Variants in SLC6A11 observed in about 807,000 individuals in gnomAD.
SLC6A11 encodes solute carrier family 6 member 11.
SLC6A11 carries 25 observed loss-of-function variants against 74.8 expected under a neutral mutation model. The ratio of observed to expected loss-of-function variants is 0.33; its 90% CI spans 0.24 to 0.47. SLC6A11 has a LOEUF of 0.47. Among genes scored for constraint, SLC6A11 ranks in the 20% least tolerant of loss-of-function variants. The pLI, the probability that SLC6A11 is intolerant of heterozygous loss-of-function variation, is 1.00. For synonymous variants in SLC6A11, 330 were observed against 330.2 expected (o/e 1.00, Z 0.01); for missense variants, 574 against 837.0 (o/e 0.69, Z 3.88).
At chr3:10,929,100 TGAAG>T in intron 9 of SLC6A11, 98 bp from the exon 10 acceptor site, 1 of 1,247,926 alleles carries the variant, frequency 8.0e-7, no homozygotes, top group South Asian at 1.4e-5. Context: ...GGTGTGGGAA[TGAAG>T]GAAGCCCAGG....
At chr3:10,898,441 A>T (rs1000452731) in intron 6 of SLC6A11, among the ~76,000 whole-genome samples, 1 of 152,218 alleles carries the variant, frequency 6.6e-6, no homozygotes, top group African/African-American at 2.4e-5. Context: ...CACCTCTTGA[A>T]TGCTTTGCTG....
chr3:10,852,230 AG>A (rs1694585275), intron 5 of SLC6A11, among the ~76,000 whole-genome samples: 1 of 152,198 alleles, frequency 6.6e-6, no homozygotes, highest in Non-Finnish European at 1.5e-5. Flanking sequence ...AGAGGAAACT[AG>A]AACGTTCATG....
rs185913791 is a variant in SLC6A11 at position 10,837,724 on chromosome 3, G to A, written c.624-6490G>A. 8.3e-3 allele frequency among the ~76,000 whole-genome samples: 1,263 copies of A among 152,290 alleles called. 16 individuals are homozygous for A. Among genetic ancestry groups the A allele is most frequent in the African/African-American group, 0.028 (1,160 of 41,564 alleles). ...CAGCCTGCTTATTCATCACTGTAGC[G>A]TGGACTGAATGAGTGTGTGATGTAG... On this transcript the variant is annotated intron_variant, in intron 4 of 13. Transcript: ENST00000254488.
intron 6 of SLC6A11, among the ~76,000 whole-genome samples, chr3:10,905,072 C>T (rs1389169043): frequency 1.3e-5 from 2 of 152,188 alleles, no homozygotes; most frequent in Non-Finnish European, 2.9e-5. Flanking sequence ...CTTTCTTTCC[C>T]CTTTCGTCAA....
chr3:10,917,507 T>C (rs1695474015), intron 7 of SLC6A11, among the ~76,000 whole-genome samples: 1 of 152,182 alleles, frequency 6.6e-6, no homozygotes, highest in Non-Finnish European at 1.5e-5. Context: ...GTCCAGGCAC[T>C]ACAGTGGTTG....
chr3:10,924,664 A>G (rs1294424617), intron 8 of SLC6A11, among the ~76,000 whole-genome samples: 1 of 151,500 alleles, frequency 6.6e-6, no homozygotes, highest in African/African-American at 2.4e-5. Flanking sequence ...CAACCTAATG[A>G]AAAAAAAAGG....
At chr3:10,883,910 T>C (rs537015750) in intron 6 of SLC6A11, among the ~76,000 whole-genome samples, 13 of 152,344 alleles carry the variant, frequency 8.5e-5, no homozygotes, top group African/African-American at 3.1e-4. Context: ...TCAATGTATT[T>C]GTTCCTGAGT....
At chr3:10,828,040 A>G (rs1694238279) in intron 4 of SLC6A11, among the ~76,000 whole-genome samples, 1 of 152,188 alleles carries the variant, frequency 6.6e-6, no homozygotes. Context: ...CCCATTATGC[A>G]TCTGGCATCC....
At chr3:10,853,555 A>G (rs978594409) in intron 5 of SLC6A11, among the ~76,000 whole-genome samples, 1 of 152,176 alleles carries the variant, frequency 6.6e-6, no homozygotes, top group South Asian at 2.1e-4. Flanking sequence ...GCTCGAGTGG[A>G]GGAATTGGTG....
intron 8 of SLC6A11, among the ~76,000 whole-genome samples, chr3:10,920,070 G>A (rs1043859166): frequency 2.0e-5 from 3 of 152,192 alleles, no homozygotes; most frequent in African/African-American, 7.2e-5. Context: ...CATTGCTTCT[G>A]TGAGAATCCA....
chr3:10,921,604 A>G (rs116145508), intron 8 of SLC6A11, among the ~76,000 whole-genome samples: 1 of 152,294 alleles, frequency 6.6e-6, no homozygotes, highest in Non-Finnish European at 1.5e-5. Context: ...CCAAAAGAAA[A>G]CAAATGCAAA....
At chr3:10,921,974 G>A (rs936294086) in intron 8 of SLC6A11, among the ~76,000 whole-genome samples, 3 of 152,158 alleles carry the variant, frequency 2.0e-5, no homozygotes, top group Non-Finnish European at 4.4e-5. Context: ...TTGTTATATA[G>A]GGAGCTAAAA....
chr3:10,902,801 G>A (rs1695256878), intron 6 of SLC6A11, among the ~76,000 whole-genome samples: 1 of 152,274 alleles, frequency 6.6e-6, no homozygotes, highest in South Asian at 2.1e-4. Context: ...GATTCCTGGG[G>A]CAATTAGGAG....
At chr3:10,885,092 C>T (rs1020999263) in intron 6 of SLC6A11, among the ~76,000 whole-genome samples, 2 of 152,228 alleles carry the variant, frequency 1.3e-5, no homozygotes, top group Non-Finnish European at 2.9e-5. Context: ...TCTCACATGG[C>T]AGACCAAGGG....
intron 4 of SLC6A11, 116 bp from the exon 5 acceptor site, chr3:10,844,098 C>G (rs1232093875): frequency 2.1e-5 from 27 of 1,280,990 alleles, no homozygotes; most frequent in Non-Finnish European, 2.9e-5. Flanking sequence ...GACATTTGGC[C>G]CACGGTGGAC....
intron 5 of SLC6A11, 100 bp downstream of exon 5, chr3:10,844,446 A>G: frequency 1.4e-6 from 2 of 1,466,138 alleles, no homozygotes; most frequent in Non-Finnish European, 9.5e-7. Context: ...AGAGGCCAGC[A>G]CTTAAGTTGG....
chr3:10,823,524 A>T (rs1372470380), intron 4 of SLC6A11, 132 bp downstream of exon 4: 3 of 662,214 alleles, frequency 4.5e-6, no homozygotes, highest in Non-Finnish European at 8.3e-6. Flanking sequence ...TTCTGTGAGC[A>T]TTCGACAGCT....
Position 10,910,232 on chromosome 3 carries a change from A to G in SLC6A11, c.892-1858A>G, listed in dbSNP as rs551979720. On this transcript the variant is annotated intron_variant, in intron 6 of 13. Coordinates refer to ENST00000254488, the MANE Select transcript of SLC6A11 (RefSeq NM_014229.3). ...TTATGATCTTCCATTTTAATAGGCA[A>G]TTTGTTGAATGACTTAACACAGTTG... Among the ~76,000 whole-genome samples, 168 of 152,212 alleles carry G rather than the reference A, an allele frequency of 1.1e-3. 1 individual carries two copies. The highest frequency in any genetic ancestry group is 3.2e-3 in the Middle Eastern group (1 of 316).
At chr3:10,909,333 A>T (rs1326081540) in intron 6 of SLC6A11, among the ~76,000 whole-genome samples, 6 of 152,120 alleles carry the variant, frequency 3.9e-5, no homozygotes, top group African/African-American at 1.4e-4. Context: ...AAAACAGCAG[A>T]TGTCCATTTC....
Sources: allele counts gnomAD v4.1 joint callset (sites outside exome capture counted in the v4.1 genomes callset), GRCh38; gene constraint gnomAD v4.1.1; transcripts MANE v1.5; gene names NCBI Gene and HGNC (gene_info 2026-07-23, HGNC 2026-07-21).